FAF1: variants seen among roughly 807,000 people sequenced by gnomAD.
The protein encoded by FAF1 is FAS-associated factor 1.
In FAF1, 25 loss-of-function variants were observed where a neutral mutation model predicts 92.5. That is an observed-to-expected ratio of 0.27 (90% CI 0.20 to 0.38). The LOEUF (loss-of-function observed/expected upper bound fraction) is 0.38. FAF1 is among the 10% of genes least tolerant of loss of function. FAF1 has a pLI of 1.00. For synonymous variants in FAF1, 234 were observed against 273.2 expected, an observed-to-expected ratio of 0.86 and a Z score of 1.42; for missense variants, 636 against 793.3, an observed-to-expected ratio of 0.80 and a Z score of 2.38.
intron 8 of FAF1, among the ~76,000 whole-genome samples, chr1:50,653,814 G>A (rs1654983729): frequency 1.3e-5 from 2 of 152,062 alleles, no homozygotes; most frequent in South Asian, 4.2e-4. Context: ...AGGTTGCAAT[G>A]AGCCAAGATT....
chr1:50,528,562 T>A (rs1647964938), intron 15 of FAF1, among the ~76,000 whole-genome samples: 1 of 152,224 alleles, frequency 6.6e-6, no homozygotes, highest in South Asian at 2.1e-4. Flanking sequence ...GAAACTAGTA[T>A]GAAAATAATC....
At chr1:50,509,714 A>C (rs965554531) in intron 15 of FAF1, among the ~76,000 whole-genome samples, 3 of 152,150 alleles carry the variant, frequency 2.0e-5, no homozygotes, top group African/African-American at 7.2e-5. Context: ...CTTGGATTCC[A>C]GTCCTCCTTT....
chr1:50,816,211 T>C (rs1332458055), intron 2 of FAF1, among the ~76,000 whole-genome samples: 2 of 146,514 alleles, frequency 1.4e-5, no homozygotes, highest in East Asian at 2.0e-4. Flanking sequence ...TTTTCTTTTT[T>C]TTTTTTTTTT....
At chr1:50,607,274 T>C (rs1039282206) in intron 8 of FAF1, among the ~76,000 whole-genome samples, 3 of 152,172 alleles carry the variant, frequency 2.0e-5, no homozygotes, top group Non-Finnish European at 4.4e-5. Flanking sequence ...AAAAACACTA[T>C]ATATAGAGCA....
chr1:50,802,488 GA>G (rs1448919063), intron 2 of FAF1, among the ~76,000 whole-genome samples: 1 of 152,158 alleles, frequency 6.6e-6, no homozygotes, highest in Non-Finnish European at 1.5e-5. Context: ...GTAACAAAAG[GA>G]GGTAGCATTA....
At chr1:50,782,939 T>A (rs1661231425) in intron 4 of FAF1, among the ~76,000 whole-genome samples, 1 of 152,064 alleles carries the variant, frequency 6.6e-6, no homozygotes. Flanking sequence ...TATACCATAT[T>A]TTAATATACA....
intron 15 of FAF1, among the ~76,000 whole-genome samples, chr1:50,528,032 T>A (rs1467181519): frequency 1.3e-5 from 2 of 151,930 alleles, no homozygotes; most frequent in African/African-American, 2.4e-5. Flanking sequence ...TTGGCTAATT[T>A]TTTTTCCCTA....
At chr1:50,734,665 C>T (rs923498846) in intron 6 of FAF1, among the ~76,000 whole-genome samples, 25 of 149,748 alleles carry the variant, frequency 1.7e-4, no homozygotes, top group African/African-American at 6.2e-4. Flanking sequence ...ACCCAGGGGG[C>T]GGAGCTTGCA....
At chr1:50,578,461 G>A (rs1650851866) in intron 12 of FAF1, among the ~76,000 whole-genome samples, 1 of 152,200 alleles carries the variant, frequency 6.6e-6, no homozygotes, top group East Asian at 1.9e-4. Flanking sequence ...ATGAAAAGGA[G>A]AGATGAAGTT....
chr1:50,521,070 A>G (rs527415908), intron 15 of FAF1, among the ~76,000 whole-genome samples: 5 of 152,316 alleles, frequency 3.3e-5, no homozygotes, highest in African/African-American at 9.6e-5. Context: ...AAAATTGTAT[A>G]TATCATGTAT....
chr1:50,789,425 T>A (rs1661487882), intron 3 of FAF1, among the ~76,000 whole-genome samples: 4 of 152,168 alleles, frequency 2.6e-5, no homozygotes, highest in Admixed American at 1.3e-4. Context: ...AGTCTGACCC[T>A]CCTCCATTAC....
At chr1:50,457,597 T>A (rs1289909740) in intron 18 of FAF1, among the ~76,000 whole-genome samples, 1 of 151,798 alleles carries the variant, frequency 6.6e-6, no homozygotes, top group East Asian at 1.9e-4. Context: ...AAAGCTTATT[T>A]GATTTCTTGG....
intron 7 of FAF1, among the ~76,000 whole-genome samples, chr1:50,673,656 T>C (rs918815932): frequency 1.3e-5 from 2 of 152,170 alleles, no homozygotes; most frequent in African/African-American, 4.8e-5. Flanking sequence ...TTCTTTATTT[T>C]AGATGGGTTG....
At chr1:50,850,715 TTTAA>T (rs1379044374) in intron 2 of FAF1, among the ~76,000 whole-genome samples, 1 of 152,124 alleles carries the variant, frequency 6.6e-6, no homozygotes, top group African/African-American at 2.4e-5. Context: ...ACATGAACAC[TTTAA>T]TTAATATTTT....
chr1:50,720,426 G>T (rs1198107864), intron 6 of FAF1, among the ~76,000 whole-genome samples: 1 of 152,178 alleles, frequency 6.6e-6, no homozygotes, highest in African/African-American at 2.4e-5. Flanking sequence ...TTATTCTTGA[G>T]AAATGAAATT....
intron 1 of FAF1, among the ~76,000 whole-genome samples, chr1:50,905,965 C>T (rs1222546466): frequency 6.6e-6 from 1 of 152,154 alleles, no homozygotes; most frequent in Non-Finnish European, 1.5e-5. Context: ...TGCCTAAGTC[C>T]TGAATGGTAT....
intron 15 of FAF1, among the ~76,000 whole-genome samples, chr1:50,534,539 G>A (rs1648363906): frequency 6.6e-6 from 1 of 152,100 alleles, no homozygotes. Flanking sequence ...CTCCCAAAGT[G>A]CTGGGATTAC....
chr1:50,946,936 A>G (rs1442690009), intron 1 of FAF1, among the ~76,000 whole-genome samples: 1 of 152,248 alleles, frequency 6.6e-6, no homozygotes, highest in East Asian at 1.9e-4. Context: ...TGTTAGGAAT[A>G]CAAAAATCTT....
chr1:50,662,683 CTTTTTTTTTTTT>C (rs58193277), intron 7 of FAF1, among the ~76,000 whole-genome samples: 27 of 77,600 alleles, frequency 3.5e-4, no homozygotes, highest in Admixed American at 2.7e-3. Context: ...GAATTTGTAT[CTTTTTTTTTTTT>C]TTTTTTTTTT....
Sources: allele counts gnomAD v4.1 joint callset (sites outside exome capture counted in the v4.1 genomes callset), GRCh38; gene constraint gnomAD v4.1.1; transcripts MANE v1.5; gene names NCBI Gene and HGNC (gene_info 2026-07-23, HGNC 2026-07-21).